Variants in PLCB1 observed in about 807,000 individuals in gnomAD.
PLCB1 encodes 1-phosphatidylinositol 4,5-bisphosphate phosphodiesterase beta-1.
Under a neutral mutation model 161.8 loss-of-function variants are expected in PLCB1, and 46 were observed. That is an observed-to-expected ratio of 0.28 (90% confidence interval 0.22 to 0.36). The LOEUF is 0.36. Ranked by LOEUF, PLCB1 falls within the 10% of genes least tolerant of loss-of-function variation. The pLI, the probability that PLCB1 is intolerant of heterozygous loss-of-function variation, is 1.00. For synonymous variants in PLCB1, 517 were observed against 503.7 expected (o/e 1.03, Z -0.35); for missense variants, 1,016 against 1,472.5 (o/e 0.69, Z 5.07).
intron 2 of PLCB1, among the ~76,000 whole-genome samples, chr20:8,204,688 T>C (rs1220151036): frequency 1.3e-5 from 2 of 152,092 alleles, no homozygotes; most frequent in Non-Finnish European, 2.9e-5. Context: ...ATGCTTCGGG[T>C]ACGGCCTGCA....
At chr20:8,574,876 A>G (rs1334429101) in intron 3 of PLCB1, among the ~76,000 whole-genome samples, 4 of 147,642 alleles carry the variant, frequency 2.7e-5, no homozygotes, top group African/African-American at 1.1e-4. Context: ...AACAGAAAAG[A>G]TATAAAGGCT....
intron 3 of PLCB1, among the ~76,000 whole-genome samples, chr20:8,565,842 A>G (rs924823010): frequency 2.0e-5 from 3 of 152,096 alleles, no homozygotes; most frequent in African/African-American, 7.2e-5. Context: ...TTGAGGTTCC[A>G]ACTGCCATTT....
chr20:8,669,911 A>G lies in PLCB1; in HGVS notation c.862+11207A>G, dbSNP rs376322668. On this transcript the variant is annotated intron_variant, in intron 9 of 31. Transcript: ENST00000338037. ...CATGGTCCTTGCTCATACAACGCCAATGTCCAATTTGATCAAGGAACATAA... is the reference window on the plus strand; with the variant it reads ...CATGGTCCTTGCTCATACAACGCCAGTGTCCAATTTGATCAAGGAACATAA... Among the ~76,000 whole-genome samples, 6 of 152,338 alleles carry G rather than the reference A, an allele frequency of 3.9e-5. No individual in the cohort carries two copies. The East Asian group carries it at 7.7e-4, about 20-fold the overall frequency.
intron 10 of PLCB1, among the ~76,000 whole-genome samples, chr20:8,688,129 ATCT>A (rs1390519810): frequency 6.6e-6 from 1 of 152,112 alleles, no homozygotes; most frequent in East Asian, 1.9e-4. Flanking sequence ...TCATTTGTAC[ATCT>A]TCTTTTGAGA....
intron 31 of PLCB1, among the ~76,000 whole-genome samples, chr20:8,880,087 A>G (rs1354613033): frequency 6.6e-6 from 1 of 152,010 alleles, no homozygotes. Context: ...GTGTGCACTT[A>G]AAGTTTGAAA....
intron 27 of PLCB1, among the ~76,000 whole-genome samples, chr20:8,778,798 A>G (rs1333123395): frequency 6.6e-6 from 1 of 152,166 alleles, no homozygotes; most frequent in African/African-American, 2.4e-5. Flanking sequence ...TTGGAATTAG[A>G]ACCACACAAT....
intron 2 of PLCB1, among the ~76,000 whole-genome samples, chr20:8,348,328 T>C (rs1228200481): frequency 1.3e-5 from 2 of 152,170 alleles, no homozygotes; most frequent in African/African-American, 2.4e-5. Flanking sequence ...TTGTGAGTAA[T>C]TGACCTTGTG....
At position 8,250,354 on chromosome 20, in the gene PLCB1, A is replaced by G. The variant is rs142395947; in HGVS notation, c.177+99983A>G. ...GAAAATCACTTAATAATCACATAAC[A>G]TAGATTGCTACTATAAATACCTGTA... On this transcript the variant is annotated intron_variant, in intron 2 of 31. Coordinates refer to ENST00000338037, the MANE Select transcript of PLCB1 (RefSeq NM_015192.4). Among the ~76,000 whole-genome samples the G allele has an allele frequency of 1.2e-3, 179 of 152,086 alleles. 1 individual carries two copies. Among genetic ancestry groups the G allele is most frequent in the African/African-American group, 3.9e-3 (164 of 41,538 alleles).
At chr20:8,712,305 A>C (rs1979064419) in intron 12 of PLCB1, among the ~76,000 whole-genome samples, 1 of 152,146 alleles carries the variant, frequency 6.6e-6, no homozygotes, top group Non-Finnish European at 1.5e-5. Context: ...AAAAAAACTA[A>C]ATTAATTAAA....
intron 2 of PLCB1, among the ~76,000 whole-genome samples, chr20:8,249,112 A>T (rs1231246584): frequency 6.6e-6 from 1 of 151,960 alleles, no homozygotes; most frequent in Admixed American, 6.6e-5. Flanking sequence ...GAAAATCAAA[A>T]TGAAATATTT....
chr20:8,520,016 A>T (rs1984286017), intron 3 of PLCB1, among the ~76,000 whole-genome samples: 1 of 152,188 alleles, frequency 6.6e-6, no homozygotes, highest in South Asian at 2.1e-4. Flanking sequence ...TTCATGTTTT[A>T]GTCAAGAAGG....
At chr20:8,669,493 A>T (rs1348213607) in intron 9 of PLCB1, among the ~76,000 whole-genome samples, 1 of 152,200 alleles carries the variant, frequency 6.6e-6, no homozygotes, top group Non-Finnish European at 1.5e-5. Flanking sequence ...AACATTTGTG[A>T]CCTGAATGGA....
intron 2 of PLCB1, among the ~76,000 whole-genome samples, chr20:8,322,901 G>A (rs981514480): frequency 1.3e-5 from 2 of 152,100 alleles, no homozygotes; most frequent in African/African-American, 4.8e-5. Flanking sequence ...AGGCTGTACC[G>A]CATGTCAAGC....
At chr20:8,582,137 AG>A (rs1308416966) in intron 3 of PLCB1, among the ~76,000 whole-genome samples, 2 of 152,164 alleles carry the variant, frequency 1.3e-5, no homozygotes, top group African/African-American at 4.8e-5. Flanking sequence ...TGAGTTGAAA[AG>A]GTTTGGAAGA....
At chr20:8,230,056 CAAAAAA>C (rs547874616) in intron 2 of PLCB1, among the ~76,000 whole-genome samples, 256 of 58,828 alleles carry the variant, frequency 4.4e-3, no homozygotes, top group Non-Finnish European at 7.3e-3. Context: ...GACTTGGCAG[CAAAAAA>C]AAAAAAAAAA....
chr20:8,215,989 G>T (rs6118119), intron 2 of PLCB1, among the ~76,000 whole-genome samples: 2,220 of 151,928 alleles, frequency 0.015, 69 homozygotes, highest in African/African-American at 0.051. Context: ...TCAGTTTTGC[G>T]CTTTCTTTCT....
At chr20:8,663,422 G>T (rs1446002140) in intron 9 of PLCB1, among the ~76,000 whole-genome samples, 1 of 151,878 alleles carries the variant, frequency 6.6e-6, no homozygotes. Flanking sequence ...GTCACCAAAA[G>T]CCCAAATGCC....
chr20:8,783,464 T>A (rs1242967199), intron 27 of PLCB1, among the ~76,000 whole-genome samples: 1 of 152,226 alleles, frequency 6.6e-6, no homozygotes, highest in Non-Finnish European at 1.5e-5. Flanking sequence ...TATTTTCACA[T>A]CTTATGCAGT....
At chr20:8,374,811 G>A (rs1987022517) in intron 3 of PLCB1, among the ~76,000 whole-genome samples, 1 of 152,140 alleles carries the variant, frequency 6.6e-6, no homozygotes, top group African/African-American at 2.4e-5. Context: ...GACCATAAAG[G>A]AAGGAAGAAC....
Sources: gnomAD v4.1 joint callset for allele counts (sites outside exome capture counted in the v4.1 genomes callset) on GRCh38, gnomAD v4.1.1 for gene constraint, MANE v1.5 for transcripts, NCBI Gene and HGNC (gene_info 2026-07-23, HGNC 2026-07-21) for gene names.